The following CTSS variants were observed in gnomAD, a reference collection of about 807,000 sequenced individuals.
The protein encoded by CTSS is cathepsin S.
CTSS carries 15 observed loss-of-function variants against 39.9 expected under a neutral mutation model. That is an observed-to-expected ratio of 0.38 (90% CI 0.25 to 0.58). The LOEUF (loss-of-function observed/expected upper bound fraction) is 0.58. Ranked by LOEUF, CTSS falls within the 20% of genes least tolerant of loss-of-function variation. The pLI is 0.70. For synonymous variants in CTSS, 126 were observed against 138.2 expected, an observed-to-expected ratio of 0.91 and a Z score of 0.62; for missense variants, 250 against 398.2, an observed-to-expected ratio of 0.63 and a Z score of 3.17.
chr1:150,732,809 A>G lies in CTSS; in HGVS notation c.*237T>C. 1 of 315,136 alleles carries G rather than the reference A, an allele frequency of 3.2e-6. No homozygotes were observed. The highest frequency in any genetic ancestry group is 5.9e-6 in the Non-Finnish European group (1 of 168,366). The allele number at this position is 315,136 out of a possible 1,614,324, so 19.5% of individuals were successfully genotyped here. ...TTTTTAGTAGAGATGGGGTTTCACC[A>G]TGTTAGCCAGGCTGCTCTTTAACTC... On this transcript the variant is annotated 3_prime_UTR_variant, in exon 8 of 8. Transcript: ENST00000368985.
At chr1:150,747,900 G>A in intron 6 of CTSS, 21 bp from the exon 7 acceptor site, 1 of 1,473,286 alleles carries the variant, frequency 6.8e-7, no homozygotes, top group Non-Finnish European at 9.5e-7. Context: ...AATATGGGTG[G>A]GAAAAAAGAG....
intron 4 of CTSS, among the ~76,000 whole-genome samples, chr1:150,754,428 A>G (rs1224110031): frequency 8.4e-6 from 1 of 118,890 alleles, no homozygotes; most frequent in Non-Finnish European, 1.8e-5. Context: ...CTTATACTTT[A>G]CCTTTTTTTT....
At chr1:150,753,434 A>G (rs1311442748) in intron 4 of CTSS, among the ~76,000 whole-genome samples, 1 of 152,212 alleles carries the variant, frequency 6.6e-6, no homozygotes, top group Non-Finnish European at 1.5e-5. Flanking sequence ...AGAACACTCT[A>G]TCTCTAGTTC....
At position 150,764,619 on chromosome 1, in the gene CTSS, G is replaced by A. The variant is rs763344176; in HGVS notation, c.126+19C>T. On this transcript the variant is annotated intron_variant, in intron 2 of 7. Transcript: ENST00000368985. ...GTACTCCTTTAAAAGCATATCGCTC[G>A]AGTGGCAATCCAATCTACCTTTTCC... The A allele has an allele frequency of 3.8e-5, 62 of 1,613,522 alleles. No homozygotes were observed. The highest frequency in any genetic ancestry group is 1.6e-4 in the Middle Eastern group (1 of 6,078).
In CTSS at chr1:150,765,750, C is replaced by G. The variant is rs1178830963; in HGVS notation, c.-54G>C. 1 of 152,182 alleles carries G rather than the reference C, an allele frequency of 6.6e-6. No homozygotes were observed. Among genetic ancestry groups the G allele is most frequent in the African/African-American group, 2.4e-5 (1 of 41,450 alleles). The allele number at this position is 152,182 out of a possible 1,614,324, so 9.4% of individuals were successfully genotyped here. A position where few individuals can be genotyped will look rare whatever the true frequency, so the allele number is the denominator to read the frequency against. ...GTAAGAGTCCTTGAATTAGTGGGCT[C>G]TCTTCTAAGATTTCAAAGCAACAAG... On this transcript the variant is annotated 5_prime_UTR_variant, in exon 1 of 8. Coordinates refer to ENST00000368985, the MANE Select transcript of CTSS (RefSeq NM_004079.5).
intron 2 of CTSS, among the ~76,000 whole-genome samples, 157 bp downstream of exon 2, chr1:150,764,481 G>A (rs977109567): frequency 6.6e-6 from 1 of 152,016 alleles, no homozygotes; most frequent in African/African-American, 2.4e-5. Flanking sequence ...CAGGTGATCC[G>A]CTCACCTTGG....
In CTSS at chr1:150,732,977, CA is replaced by C. The variant is rs1652555941; in HGVS notation, c.*68del. 1 of 1,060,582 alleles carries C rather than the reference CA, an allele frequency of 9.4e-7. No individual in the cohort carries two copies. 65.7% of individuals were successfully genotyped at this position (1,060,582 alleles called of 1,614,324 possible). A position where few individuals can be genotyped will look rare whatever the true frequency, so the allele number is the denominator to read the frequency against. ...ATGACACAATTATTTCTTCTGGATA[CA>C]GCAGGAAAAATTAAGTTAAGAGAAA... On this transcript the variant is annotated 3_prime_UTR_variant, in exon 8 of 8. Transcript: ENST00000368985.
intron 7 of CTSS, among the ~76,000 whole-genome samples, chr1:150,735,187 T>G (rs78416560): frequency 6.6e-6 from 1 of 152,224 alleles, no homozygotes; most frequent in African/African-American, 2.4e-5. Context: ...GACTCAAAGT[T>G]TGTGTTTTTG....
chr1:150,748,109 G>T (rs1316730036), intron 6 of CTSS: 3 of 351,136 alleles, frequency 8.5e-6, no homozygotes, highest in Non-Finnish European at 1.6e-5. Flanking sequence ...GGCCAACATG[G>T]TGACACCCCA....
chr1:150,742,665 A>G (rs186720423), intron 7 of CTSS, among the ~76,000 whole-genome samples: 9 of 152,294 alleles, frequency 5.9e-5, no homozygotes, highest in African/African-American at 2.2e-4. Context: ...TCTGAATTAC[A>G]GCAGGGCCAT....
chr1:150,736,713 A>G (rs1652642180), intron 7 of CTSS, among the ~76,000 whole-genome samples: 1 of 152,128 alleles, frequency 6.6e-6, no homozygotes, highest in Non-Finnish European at 1.5e-5. Context: ...AGTTTTGCAA[A>G]AGATCCCAGA....
At chr1:150,748,647 T>C (rs1652943236) in intron 6 of CTSS, among the ~76,000 whole-genome samples, 1 of 151,868 alleles carries the variant, frequency 6.6e-6, no homozygotes, top group Admixed American at 6.6e-5. Context: ...GGTGGTATGA[T>C]CATAGCTAAT....
At chr1:150,755,555 C>T (rs1178667432) in intron 3 of CTSS, among the ~76,000 whole-genome samples, 5 of 151,946 alleles carry the variant, frequency 3.3e-5, no homozygotes, top group African/African-American at 1.2e-4. Context: ...GCCTGGCCAA[C>T]ATGGTGAAAC....
intron 7 of CTSS, among the ~76,000 whole-genome samples, chr1:150,735,910 C>T (rs587752175): frequency 6.6e-6 from 1 of 152,124 alleles, no homozygotes; most frequent in African/African-American, 2.4e-5. Flanking sequence ...GCGCCCACCA[C>T]CACGCCTGGC....
intron 7 of CTSS, among the ~76,000 whole-genome samples, chr1:150,744,670 G>A (rs587634106): frequency 1.4e-5 from 2 of 140,466 alleles, no homozygotes; most frequent in Admixed American, 1.5e-4. Flanking sequence ...TGTATATTAT[G>A]TATGCATACA....
At chr1:150,748,637 G>A (rs1316953565) in intron 6 of CTSS, among the ~76,000 whole-genome samples, 1 of 150,754 alleles carries the variant, frequency 6.6e-6, no homozygotes, top group East Asian at 1.9e-4. Flanking sequence ...CTGTAATACA[G>A]GTGGTATGAT....
chr1:150,734,329 A>G (rs956581113), intron 7 of CTSS, among the ~76,000 whole-genome samples: 1 of 150,626 alleles, frequency 6.6e-6, no homozygotes, highest in Non-Finnish European at 1.5e-5. Flanking sequence ...GCCCGGCTGT[A>G]TGGTCATCTT....
intron 7 of CTSS, 78 bp from the exon 8 acceptor site, chr1:150,733,223 T>G: frequency 9.1e-7 from 1 of 1,095,452 alleles, no homozygotes; most frequent in Non-Finnish European, 1.4e-6. Flanking sequence ...TCATTGTTTT[T>G]CTCCTATAAG....
chr1:150,763,019 C>T (rs1369503273), intron 2 of CTSS, among the ~76,000 whole-genome samples: 1 of 151,818 alleles, frequency 6.6e-6, no homozygotes, highest in Admixed American at 6.6e-5. Flanking sequence ...CGGAATCAAC[C>T]TTATAAAGTG....
Sources: gnomAD v4.1 joint callset for allele counts (sites outside exome capture counted in the v4.1 genomes callset) on GRCh38, gnomAD v4.1.1 for gene constraint, MANE v1.5 for transcripts, NCBI Gene and HGNC (gene_info 2026-07-23, HGNC 2026-07-21) for gene names.